MYO5B: variants seen among roughly 807,000 people sequenced by gnomAD.
The protein encoded by MYO5B is myosin VB.
MYO5B carries 143 observed loss-of-function variants against 229.3 expected under a neutral mutation model. The observed-to-expected ratio is 0.62, with a 90% CI of 0.54 to 0.72. The LOEUF is 0.72. MYO5B is among the 30% of genes least tolerant of loss of function. The probability of loss-of-function intolerance (pLI) is 0.00; values close to 1 mark genes in which losing one functional copy is unlikely to be tolerated. For missense variants in MYO5B, 2,321 were observed against 2,331.0 expected, an observed-to-expected ratio of 1.00 and a Z score of 0.09; for synonymous variants, 918 against 885.2, an observed-to-expected ratio of 1.04 and a Z score of -0.66.
intron 1 of MYO5B, among the ~76,000 whole-genome samples, chr18:50,134,614 AAGGGTTAGTATTCCAG>A (rs2032308277): frequency 6.6e-6 from 1 of 151,748 alleles, no homozygotes; most frequent in Non-Finnish European, 1.5e-5. Context: ...TAGCAGCCTC[AAGGGTTAGTATTCCAG>A]AGCTCTCAGT....
chr18:49,853,542 C>G lies in MYO5B; in HGVS notation c.4128G>C (p.Gln1376His). 6.2e-7 allele frequency: 1 copy of G among 1,614,214 alleles called. No homozygotes were observed. Among genetic ancestry groups the G allele is most frequent in the Non-Finnish European group, 8.5e-7 (1 of 1,180,042 alleles). ...EALKEEMDKQ[Q>H]QTFCQTLLLS... ...GCAGTAGCGTCTGGCAGAAGGTCTG[C>G]TGCTGTTTGTCCATCTCCTCCTTCA... Residue 1376 changes from glutamine to histidine, a missense_variant, in exon 31 of 40, where the codon CAG (glutamine) becomes CAC (histidine). Around this residue, in one of 2 missense-constraint regions of MYO5B, gnomAD observed 2,113 missense variants for 2,044.7 expected, o/e 1.03. Transcript: ENST00000285039.
intron 4 of MYO5B, among the ~76,000 whole-genome samples, chr18:50,029,123 T>A (rs1429785899): frequency 2.0e-5 from 3 of 152,196 alleles, no homozygotes; most frequent in Non-Finnish European, 2.9e-5. Context: ...ACAATAAAAC[T>A]AGCAATTTGA....
chr18:50,118,605 ACATGT>A (rs2032005432), intron 1 of MYO5B, among the ~76,000 whole-genome samples: 1 of 150,410 alleles, frequency 6.6e-6, no homozygotes, highest in Non-Finnish European at 1.5e-5. Context: ...ACATATGTAT[ACATGT>A]GCCATGTTGG....
chr18:50,122,795 T>TA (rs2032091485), intron 1 of MYO5B, among the ~76,000 whole-genome samples: 1 of 151,724 alleles, frequency 6.6e-6, no homozygotes, highest in South Asian at 2.1e-4. Flanking sequence ...ATGGCCTCAA[T>TA]AAAAAATAAA....
chr18:49,968,753 C>T, intron 10 of MYO5B, among the ~76,000 whole-genome samples: 1 of 152,176 alleles, frequency 6.6e-6, no homozygotes, highest in South Asian at 2.1e-4. Context: ...TGTTACATTC[C>T]AGCCTTTGTA....
intron 30 of MYO5B, 82 bp from the exon 31 acceptor site, chr18:49,853,729 G>A (rs950064654): frequency 1.2e-5 from 16 of 1,332,676 alleles, no homozygotes; most frequent in Admixed American, 1.9e-5. Flanking sequence ...ACATAACAGG[G>A]GAGCAGCCAA....
At chr18:50,054,530 T>C (rs893114986) in intron 2 of MYO5B, among the ~76,000 whole-genome samples, 4 of 152,138 alleles carry the variant, frequency 2.6e-5, no homozygotes, top group Non-Finnish European at 5.9e-5. Context: ...GCACAGCATA[T>C]AGGGTGAGCA....
Position 49,925,694 on chromosome 18 carries a change from G to A in MYO5B, c.2090+3818C>T, listed in dbSNP as rs377700584. 9.8e-5 allele frequency among the ~76,000 whole-genome samples: 15 copies of A among 152,352 alleles called. No individual in the cohort carries two copies. In the East Asian group the frequency reaches 1.7e-3, roughly 18 times the overall value. The stretch of plus-strand genomic sequence containing the variant: ...GCCAGAAGCAGGAGTGCAGCCAGGA[G>A]CAGGAGTGCAGCCAGCTGCCCGTGG... On this transcript the variant is annotated intron_variant, in intron 17 of 39. Transcript: ENST00000285039.
intron 16 of MYO5B, among the ~76,000 whole-genome samples, chr18:49,934,877 C>A (rs976832615): frequency 6.6e-6 from 1 of 152,070 alleles, no homozygotes; most frequent in Non-Finnish European, 1.5e-5. Flanking sequence ...GTCTGAGAGT[C>A]AAAATTGTCA....
intron 5 of MYO5B, among the ~76,000 whole-genome samples, chr18:50,000,875 T>C (rs75523139): frequency 0.027 from 4,115 of 152,228 alleles, 182 homozygotes; most frequent in African/African-American, 0.094. Flanking sequence ...CCCATGAAAA[T>C]TGCCTTTCTG....
intron 14 of MYO5B, among the ~76,000 whole-genome samples, chr18:49,939,148 C>CTTTTTTT (rs11313115): frequency 8.4e-6 from 1 of 119,046 alleles, no homozygotes. Flanking sequence ...TCTTTTTTTT[C>CTTTTTTT]TTTTTTTTTT....
At chr18:50,125,999 G>T (rs2032156327) in intron 1 of MYO5B, among the ~76,000 whole-genome samples, 1 of 152,158 alleles carries the variant, frequency 6.6e-6, no homozygotes, top group Non-Finnish European at 1.5e-5. Flanking sequence ...GGGCTGCGAG[G>T]AAGGGGTTAC....
chr18:50,192,546 G>A (rs189057817), intron 1 of MYO5B, among the ~76,000 whole-genome samples: 204 of 152,270 alleles, frequency 1.3e-3, no homozygotes, highest in African/African-American at 4.6e-3. Flanking sequence ...GTGTCTTTAG[G>A]AAGCCAAAGC....
intron 1 of MYO5B, among the ~76,000 whole-genome samples, chr18:50,177,804 C>CA (rs1200542613): frequency 3.3e-5 from 5 of 152,204 alleles, no homozygotes; most frequent in African/African-American, 1.2e-4. Context: ...GACTGACATG[C>CA]AAGGCAGGCA....
intron 1 of MYO5B, among the ~76,000 whole-genome samples, chr18:50,130,985 T>C (rs1026043492): frequency 1.1e-4 from 17 of 152,278 alleles, no homozygotes; most frequent in Admixed American, 5.2e-4. Flanking sequence ...TCTAGCCCCA[T>C]GCCTATCATG....
At chr18:50,001,222 G>A (rs1568065552) in intron 5 of MYO5B, 33 bp downstream of exon 5, 3 of 1,613,948 alleles carry the variant, frequency 1.9e-6, no homozygotes. Flanking sequence ...AGGAGCTCCA[G>A]CCAGGAAGGC....
At chr18:49,936,430 G>C in intron 15 of MYO5B, 81 bp from the exon 16 acceptor site, 1 of 984,298 alleles carries the variant, frequency 1.0e-6, no homozygotes, top group Non-Finnish European at 1.6e-6. Context: ...TATGGGTGGC[G>C]GTAGTTATTG....
At chr18:49,915,738 C>T (rs2025006466) in intron 17 of MYO5B, among the ~76,000 whole-genome samples, 1 of 152,126 alleles carries the variant, frequency 6.6e-6, no homozygotes, top group African/African-American at 2.4e-5. Flanking sequence ...ACTCCTAAGC[C>T]CTGACCCATA....
chr18:49,953,360 CA>C lies in MYO5B; in HGVS notation c.1669-18del. 1 of 1,609,328 alleles carries C rather than the reference CA, an allele frequency of 6.2e-7. No homozygotes were observed. Among genetic ancestry groups the C allele is most frequent in the Non-Finnish European group, 8.5e-7 (1 of 1,175,582 alleles). Reference sequence around the variant, plus strand: ...GTACTCCACCTGGGGCCACAGCAACCAGAGAGAGACACAGTCGTTAGTGCTT... The same window carrying C: ...GTACTCCACCTGGGGCCACAGCAACCGAGAGAGACACAGTCGTTAGTGCTT... On this transcript the variant is annotated intron_variant, in intron 13 of 39. Coordinates refer to ENST00000285039, the MANE Select transcript of MYO5B (RefSeq NM_001080467.3).
Sources: allele counts gnomAD v4.1 joint callset (sites outside exome capture counted in the v4.1 genomes callset), GRCh38; gene constraint gnomAD v4.1.1; regional missense constraint gnomAD v4.1.1; transcripts MANE v1.5; gene names NCBI Gene and HGNC (gene_info 2026-07-23, HGNC 2026-07-21).